Variants in L2HGDH observed in about 807,000 individuals in gnomAD.
L2HGDH encodes the protein L-2-hydroxyglutarate dehydrogenase, also known as L-2-hydroxyglutarate dehydrogenase, mitochondrial.
L2HGDH carries 34 observed loss-of-function variants against 51.5 expected under a neutral mutation model. That is an observed-to-expected ratio of 0.66 (90% CI 0.50 to 0.88). L2HGDH has a LOEUF of 0.88. Ranked by LOEUF, L2HGDH falls within the 40% of genes least tolerant of loss-of-function variation. The pLI is 0.00. For synonymous variants in L2HGDH, 198 were observed against 197.9 expected, an observed-to-expected ratio of 1.00 and a Z score of -0.01; for missense variants, 558 against 571.9, an observed-to-expected ratio of 0.98 and a Z score of 0.25.
chr14:50,263,968 T>C (rs1025380150), intron 9 of L2HGDH, among the ~76,000 whole-genome samples: 12 of 150,690 alleles, frequency 8.0e-5, no homozygotes, highest in African/African-American at 2.9e-4. Context: ...AGAGACAAGG[T>C]TTCTCCATTT....
intron 9 of L2HGDH, among the ~76,000 whole-genome samples, chr14:50,252,379 G>T (rs190663957): frequency 6.6e-6 from 1 of 151,968 alleles, no homozygotes; most frequent in African/African-American, 2.4e-5. Flanking sequence ...AGACTGTAAA[G>T]CCACCAGAAA....
rs1887872405 is a variant in L2HGDH, at chr14:50,243,382, T to C, written c.*3676A>G. 1.0e-6 allele frequency: 1 copy of C among 983,404 alleles called. No homozygotes were observed. The highest frequency in any genetic ancestry group is 1.2e-6 in the Non-Finnish European group (1 of 828,156). 60.9% of individuals were successfully genotyped at this position (983,404 alleles called of 1,614,324 possible). The stretch of plus-strand genomic sequence containing the variant: ...TGAGTTTTTTAAAAAGGTTGGCTGC[T>C]ATCTATCTAAAGCAAACAGTTTATG... On this transcript the variant is annotated 3_prime_UTR_variant, in exon 10 of 10. Coordinates refer to ENST00000267436, the MANE Select transcript of L2HGDH (RefSeq NM_024884.3).
intron 9 of L2HGDH, among the ~76,000 whole-genome samples, 173 bp from the exon 10 acceptor site, chr14:50,247,426 T>C (rs1372481023): frequency 1.3e-5 from 2 of 152,248 alleles, no homozygotes; most frequent in Non-Finnish European, 2.9e-5. Flanking sequence ...GTCAAACCTA[T>C]ATTGTTAGCT....
intron 6 of L2HGDH, among the ~76,000 whole-genome samples, chr14:50,277,309 C>G (rs1890030707): frequency 6.6e-6 from 1 of 151,260 alleles, no homozygotes; most frequent in South Asian, 2.1e-4. Context: ...TATTTGGAAG[C>G]TAAATATCGT....
intron 9 of L2HGDH, among the ~76,000 whole-genome samples, chr14:50,256,666 A>G (rs1888683390): frequency 6.6e-6 from 1 of 152,018 alleles, no homozygotes; most frequent in Admixed American, 6.6e-5. Flanking sequence ...ATGCTATCTA[A>G]CCTGATTTTC....
chr14:50,292,097 T>C (rs1890915309), intron 4 of L2HGDH, among the ~76,000 whole-genome samples: 1 of 149,784 alleles, frequency 6.7e-6, no homozygotes, highest in Non-Finnish European at 1.5e-5. Context: ...TTGTAGATAA[T>C]AAATATAAGA....
chr14:50,303,336 C>G (rs954950617), intron 1 of L2HGDH, among the ~76,000 whole-genome samples: 1 of 151,922 alleles, frequency 6.6e-6, no homozygotes, highest in African/African-American at 2.4e-5. Context: ...GCAGAAGAAT[C>G]ACTTGAACCT....
chr14:50,258,579 T>A (rs1227679757), intron 9 of L2HGDH, among the ~76,000 whole-genome samples: 1 of 152,018 alleles, frequency 6.6e-6, no homozygotes. Flanking sequence ...ACTGGCATGA[T>A]CATAGCTCAC....
chr14:50,283,347 C>T lies in L2HGDH; in HGVS notation c.703+524G>A, dbSNP rs190527851. On this transcript the variant is annotated intron_variant, in intron 5 of 9. Coordinates refer to ENST00000267436, the MANE Select transcript of L2HGDH (RefSeq NM_024884.3). ...GCACCAGTCAGAAGTGTCGGACCAC[C>T]GCCTGGTTCTACCAGCACAAGACCC... Among the ~76,000 whole-genome samples, 282 of 152,260 alleles carry T rather than the reference C, an allele frequency of 1.9e-3. 2 individuals carry two copies. Among genetic ancestry groups the T allele is most frequent in the African/African-American group, 5.0e-3 (209 of 41,560 alleles).
Position 50,312,080 on chromosome 14 carries a change from G to C in L2HGDH, c.71C>G (p.Pro24Arg), listed in dbSNP as rs1232119740. The C allele has an allele frequency of 6.2e-7, 1 of 1,604,538 alleles. No individual in the cohort carries two copies. Among genetic ancestry groups the C allele is most frequent in the Non-Finnish European group, 8.5e-7 (1 of 1,176,672 alleles). Reference sequence around the variant, plus strand: ...CCCAGACGCGAACCCGCACGCCCCAGGGGAGCCACCGGCGAAAAGCCCGCG... The same window carrying C: ...CCCAGACGCGAACCCGCACGCCCCACGGGAGCCACCGGCGAAAAGCCCGCG... ...RARGLFAGGS[P>R]GACGFASGRP... The change falls in exon 1 of 10, where the codon CCT becomes CGT. Residue 24 changes from proline (P) to arginine (R), a missense_variant. Transcript: ENST00000267436.
At chr14:50,274,341 A>C (rs765791195) in intron 6 of L2HGDH, among the ~76,000 whole-genome samples, 1 of 148,822 alleles carries the variant, frequency 6.7e-6, no homozygotes, top group Non-Finnish European at 1.5e-5. Context: ...TTTTTCAAAG[A>C]TATACACATA....
Position 50,247,242 on chromosome 14 carries a change from C to T in L2HGDH, c.1208G>A (p.Gly403Glu). The T allele has an allele frequency of 6.2e-7, 1 of 1,613,314 alleles. No individual in the cohort carries two copies. Among genetic ancestry groups the T allele is most frequent in the Non-Finnish European group, 8.5e-7 (1 of 1,179,624 alleles). The change falls in exon 10 of 10, where the codon GGA (glycine) becomes GAA (glutamate). Residue 403 changes from glycine (G) to glutamate (E), a missense_variant. Around this residue, in one of 3 missense-constraint regions of L2HGDH, gnomAD observed 321 missense variants for 311.8 expected, o/e 1.03. Coordinates refer to ENST00000267436, the MANE Select transcript of L2HGDH (RefSeq NM_024884.3). ...TCTATCCAGGGCCTGGGCTCTTACT[C>T]CAGCTGGGCCCCTGCAAAAGTAAAA... ...TISDILRGPA[G>E]VRAQALDRDG...
intron 3 of L2HGDH, among the ~76,000 whole-genome samples, chr14:50,301,805 G>A (rs561087634): frequency 3.9e-5 from 6 of 152,128 alleles, no homozygotes; most frequent in Non-Finnish European, 7.4e-5. Context: ...TTAAAAGGGC[G>A]AATTGTATGG....
In L2HGDH at chr14:50,246,512, A is replaced by T. The variant is rs989193421; in HGVS notation, c.*546T>A. ...TCCAGCCTGGAATGCAGTGTCATGAACATAAGCTCACTGCAGCCTAGACCT... is the reference window on the plus strand; with the variant it reads ...TCCAGCCTGGAATGCAGTGTCATGATCATAAGCTCACTGCAGCCTAGACCT... On this transcript the variant is annotated 3_prime_UTR_variant, in exon 10 of 10. Transcript: ENST00000267436. 1 of 144,878 alleles carries T rather than the reference A, an allele frequency of 6.9e-6. No individual in the cohort carries two copies. Among genetic ancestry groups the T allele is most frequent in the African/African-American group, 2.6e-5 (1 of 37,908 alleles). 9.0% of individuals were successfully genotyped at this position (144,878 alleles called of 1,614,324 possible).
In L2HGDH at chr14:50,246,976, A is replaced by G; in HGVS notation, c.*82T>C. On this transcript the variant is annotated 3_prime_UTR_variant, in exon 10 of 10. Transcript: ENST00000267436. ...ACCTAAAAACTAAAGTTTAAAAACC[A>G]TTTTTTAAATTAAAGAATGCAATTA... 3 of 1,507,942 alleles carry G rather than the reference A, an allele frequency of 2.0e-6. No homozygotes were observed. The highest frequency in any genetic ancestry group is 2.5e-5 in the South Asian group (2 of 80,170). 93.4% of individuals were successfully genotyped at this position (1,507,942 alleles called of 1,614,324 possible).
intron 1 of L2HGDH, among the ~76,000 whole-genome samples, chr14:50,303,806 G>T (rs1299218886): frequency 2.3e-5 from 2 of 85,996 alleles, no homozygotes; most frequent in African/African-American, 1.0e-4. Context: ...AAAGTTAGAC[G>T]CATTAAAAAA....
intron 3 of L2HGDH, among the ~76,000 whole-genome samples, chr14:50,297,239 T>C (rs1379063080): frequency 1.3e-5 from 2 of 152,182 alleles, no homozygotes; most frequent in South Asian, 2.1e-4. Flanking sequence ...CAACACAGTA[T>C]TGGAGCTTCC....
chr14:50,304,653 G>A (rs1023906656), intron 1 of L2HGDH, among the ~76,000 whole-genome samples: 27 of 152,166 alleles, frequency 1.8e-4, no homozygotes, highest in Admixed American at 1.8e-3. Flanking sequence ...GACTAACACG[G>A]TGAAACCCCA....
intron 1 of L2HGDH, chr14:50,311,421 C>A (rs1249964292): frequency 8.8e-6 from 4 of 455,940 alleles, no homozygotes; most frequent in Non-Finnish European, 1.8e-5. Context: ...AGCCTTCACA[C>A]AAACTGTTTC....
Sources: allele counts gnomAD v4.1 joint callset (sites outside exome capture counted in the v4.1 genomes callset), GRCh38; gene constraint gnomAD v4.1.1; regional missense constraint gnomAD v4.1.1; transcripts MANE v1.5; gene names NCBI Gene and HGNC (gene_info 2026-07-23, HGNC 2026-07-21).